CC2D1A: variants seen among roughly 807,000 people sequenced by gnomAD.
CC2D1A encodes the protein coiled-coil and C2 domain-containing protein 1A.
A neutral mutation model predicts 123.8 loss-of-function variants in CC2D1A; 68 were observed. The ratio of observed to expected loss-of-function variants is 0.55; its 90% CI spans 0.45 to 0.67. CC2D1A has a LOEUF of 0.67. CC2D1A is among the 30% of genes least tolerant of loss of function. The pLI is 0.00. For missense variants in CC2D1A, 1,185 were observed against 1,290.3 expected (o/e 0.92, Z 1.25); for synonymous variants, 477 against 528.0 (o/e 0.90, Z 1.32).
chr19:13,922,955 G>T (rs1375528039), intron 14 of CC2D1A, among the ~76,000 whole-genome samples: 1 of 152,204 alleles, frequency 6.6e-6, no homozygotes, highest in Non-Finnish European at 1.5e-5. Context: ...CAATTAAGGA[G>T]GCCAAGGCCA....
intron 4 of CC2D1A, 46 bp downstream of exon 4, chr19:13,912,639 C>G: frequency 6.3e-7 from 1 of 1,594,986 alleles, no homozygotes; most frequent in Non-Finnish European, 8.6e-7. Context: ...ACCCAACGGA[C>G]AGCCCGGGGT....
rs746815442 is a variant in CC2D1A at position 13,912,304 on chromosome 19, G to C, written c.197-19G>C. ...TGGTGTACGACCCTGGTCCACCTGG[G>C]GCATCCCCCTACCGCCAGGTCCCTT... On this transcript the variant is annotated intron_variant, in intron 2 of 28. Coordinates refer to ENST00000318003, the MANE Select transcript of CC2D1A (RefSeq NM_017721.5). 6.3e-7 allele frequency: 1 copy of C among 1,575,744 alleles called. No individual in the cohort carries two copies. The highest frequency in any genetic ancestry group is 2.3e-5 in the East Asian group (1 of 42,632).
At chr19:13,929,495 C>T (rs1323040254) in intron 25 of CC2D1A, 39 bp from the exon 26 acceptor site, 1 of 1,612,514 alleles carries the variant, frequency 6.2e-7, no homozygotes, top group Non-Finnish European at 8.5e-7. Context: ...AGTCTGCAGG[C>T]CCAGGCAGGA....
Position 13,927,227 on chromosome 19 carries a change from G to A in CC2D1A, c.2278G>A (p.Ala760Thr), listed in dbSNP as rs2145368619. The change falls in exon 22 of 29, where the codon GCA (alanine) becomes ACA (threonine). Residue 760 changes from alanine to threonine, a missense_variant. Transcript: ENST00000318003. The part of the protein sequence containing the change: ...VLGTAQLKLD[A>T]LEIACEVREI... ...GGGGACAGCCCAGCTGAAGCTGGAT[G>A]CACTGGAGATAGCATGTGAGGTCCG... 4 of 1,614,118 alleles carry A rather than the reference G, an allele frequency of 2.5e-6. No individual in the cohort carries two copies. Among genetic ancestry groups the A allele is most frequent in the East Asian group, 2.2e-5 (1 of 44,872 alleles).
At chr19:13,929,937 T>TCC in intron 26 of CC2D1A, 141 bp from the exon 27 acceptor site, 2 of 241,506 alleles carry the variant, frequency 8.3e-6, no homozygotes, top group Non-Finnish European at 1.4e-5. Flanking sequence ...GGGGAGGGGC[T>TCC]CGGGGATGGG....
At chr19:13,918,419 G>T in intron 7 of CC2D1A, 85 bp from the exon 8 acceptor site, 1 of 1,345,070 alleles carries the variant, frequency 7.4e-7, no homozygotes. Flanking sequence ...GAAGTCCTCG[G>T]TGGCATGGAA....
chr19:13,911,807 C>T (rs1348990037), intron 2 of CC2D1A, among the ~76,000 whole-genome samples: 1 of 149,956 alleles, frequency 6.7e-6, no homozygotes, highest in Non-Finnish European at 1.5e-5. Context: ...GCTCCGCCTC[C>T]TAGGTTCACG....
Position 13,927,917 on chromosome 19 carries a change from G to A in CC2D1A, c.2341G>A (p.Gly781Arg). The A allele has an allele frequency of 6.2e-7, 1 of 1,613,540 alleles. No individual in the cohort carries two copies. Among genetic ancestry groups the A allele is most frequent in the South Asian group, 1.1e-5 (1 of 91,078 alleles). ...LEVLDGRRPT[G>R]GRLEVMVRIR... Reference sequence around the variant, plus strand: ...GGTCCTGGATGGTCGCCGGCCCACAGGGGGGCGACTGGAGGTAATGGTCCG... The same window carrying A: ...GGTCCTGGATGGTCGCCGGCCCACAAGGGGGCGACTGGAGGTAATGGTCCG... The change falls in exon 23 of 29, where the codon GGG becomes AGG. Residue 781 changes from glycine (G) to arginine (R), a missense_variant. Physicochemically the swap from Gly to Arg is moderately radical, Grantham distance 125. Coordinates refer to ENST00000318003, the MANE Select transcript of CC2D1A (RefSeq NM_017721.5).
chr19:13,913,832 TTATTATGA>T (rs112499886), intron 6 of CC2D1A, among the ~76,000 whole-genome samples, 194 bp downstream of exon 6: 1,852 of 152,304 alleles, frequency 0.012, 34 homozygotes, highest in African/African-American at 0.043. Flanking sequence ...TTTTTTGTTG[TTATTATGA>T]TATTATGATA....
chr19:13,912,452 G>A lies in CC2D1A; in HGVS notation c.312+14G>A. 1 of 1,613,910 alleles carries A rather than the reference G, an allele frequency of 6.2e-7. No individual in the cohort carries two copies. The highest frequency in any genetic ancestry group is 8.5e-7 in the Non-Finnish European group (1 of 1,179,914). On this transcript the variant is annotated intron_variant, in intron 3 of 28. Transcript: ENST00000318003. The stretch of plus-strand genomic sequence containing the variant: ...GATGACCTGCTGGTGAGCACTGAGG[G>A]CGGGGTGGGGGCTCTGATCCGGTTG...
intron 1 of CC2D1A, 62 bp from the exon 2 acceptor site, chr19:13,909,761 C>G (rs932225535): frequency 1.9e-6 from 3 of 1,608,700 alleles, no homozygotes; most frequent in Admixed American, 1.7e-5. Flanking sequence ...CTCTGGCCAT[C>G]ATGGCTGCCT....
chr19:13,920,076 C>A, intron 12 of CC2D1A, 125 bp downstream of exon 12: 2 of 996,104 alleles, frequency 2.0e-6, no homozygotes, highest in Non-Finnish European at 2.9e-6. Context: ...GTGAGACCCC[C>A]GTCTCTACAA....
chr19:13,920,412 A>G, intron 12 of CC2D1A, 145 bp from the exon 13 acceptor site: 1 of 644,810 alleles, frequency 1.6e-6, no homozygotes. Flanking sequence ...GTTTGGGGCC[A>G]GGGGCTTTGA....
In CC2D1A at chr19:13,918,587, T is replaced by C; in HGVS notation, c.946+11T>C. The C allele has an allele frequency of 6.2e-7, 1 of 1,612,458 alleles. No individual in the cohort carries two copies. Reference sequence around the variant, plus strand: ...TGCCCCCTCCACCCGGTGAGAACCCTGCCATGCCCACTCTCTGGGATGGTT... The same window carrying C: ...TGCCCCCTCCACCCGGTGAGAACCCCGCCATGCCCACTCTCTGGGATGGTT... On this transcript the variant is annotated intron_variant, in intron 8 of 28. Coordinates refer to ENST00000318003, the MANE Select transcript of CC2D1A (RefSeq NM_017721.5).
At position 13,929,392 on chromosome 19, in the gene CC2D1A, C is replaced by T. The variant is rs1316964867; in HGVS notation, c.2533C>T (p.Leu845=). The change falls in exon 25 of 29, where the codon CTG becomes TTG. Residue 845 remains leucine (L), a synonymous_variant. Transcript: ENST00000318003. The stretch of plus-strand genomic sequence containing the variant: ...TCCACCCCTTAGATCAGCCCGGCCC[C>T]TGCATAGCCTCAGTGTGCTGGCGTT... ...RESGNRSARP[L]HSLSVLAFDQ... The T allele has an allele frequency of 1.9e-6, 3 of 1,613,470 alleles. No homozygotes were observed. The highest frequency in any genetic ancestry group is 4.5e-5 in the East Asian group (2 of 44,810).
At chr19:13,917,976 G>GA (rs1038946251) in intron 6 of CC2D1A, 94 bp from the exon 7 acceptor site, 5,383 of 1,302,716 alleles carry the variant, frequency 4.1e-3, no homozygotes, top group Middle Eastern at 5.6e-3. Context: ...GTCTGAAAAA[G>GA]AAAAAAAAAA....
In CC2D1A at chr19:13,919,153, C is replaced by T; in HGVS notation, c.1173C>T (p.Ala391=). The change falls in exon 11 of 29, where the codon GCC becomes GCT. Residue 391 remains alanine (A), a synonymous_variant. Coordinates refer to ENST00000318003, the MANE Select transcript of CC2D1A (RefSeq NM_017721.5). ...AGCAATACCAAGATGCCATCCGAGC[C>T]CACAAGGCTGGCCGAGCCGTGGATG... is the stretch of plus-strand genomic sequence containing the variant. ...IVKQYQDAIR[A]HKAGRAVDVA... 1 of 1,612,800 alleles carries T rather than the reference C, an allele frequency of 6.2e-7. No homozygotes were observed. The highest frequency in any genetic ancestry group is 8.5e-7 in the Non-Finnish European group (1 of 1,179,508).
In CC2D1A at chr19:13,929,383, G is replaced by A. The variant is rs1159160162; in HGVS notation, c.2524G>A (p.Ala842Thr). 1.9e-6 allele frequency: 3 copies of A among 1,613,396 alleles called. No homozygotes were observed. The highest frequency in any genetic ancestry group is 1.7e-6 in the Non-Finnish European group (2 of 1,179,978). ...APARESGNRSARPLHSLSVLA... is the reference protein window; with the variant it reads ...APARESGNRSTRPLHSLSVLA... ...TATCCTTCCTCCACCCCTTAGATCA[G>A]CCCGGCCCCTGCATAGCCTCAGTGT... Residue 842 changes from alanine (A) to threonine (T), a missense_variant, in exon 25 of 29, where the codon GCC becomes ACC. Coordinates refer to ENST00000318003, the MANE Select transcript of CC2D1A (RefSeq NM_017721.5).
In CC2D1A at chr19:13,926,717, C is replaced by A. The variant is rs200663646; in HGVS notation, c.2065C>A (p.Pro689Thr). Residue 689 changes from proline (P) to threonine (T), a missense_variant, in exon 19 of 29, where the codon CCC becomes ACC. Coordinates refer to ENST00000318003, the MANE Select transcript of CC2D1A (RefSeq NM_017721.5). ...CTTTGTTCGGTTTGACTTCCCCTAT[C>A]CCAACGTGGTACGTGGGGAGCTGAG... ...DVFVRFDFPY[P>T]NVEEAQKDKT... 642 of 1,614,156 alleles carry A rather than the reference C, an allele frequency of 4.0e-4. 1 individual carries two copies. Among genetic ancestry groups the A allele is most frequent in the Non-Finnish European group, 4.7e-4 (553 of 1,180,016 alleles).
Sources: gnomAD v4.1 joint callset for allele counts (sites outside exome capture counted in the v4.1 genomes callset) on GRCh38, gnomAD v4.1.1 for gene constraint, MANE v1.5 for transcripts, NCBI Gene and HGNC (gene_info 2026-07-23, HGNC 2026-07-21) for gene names.